The following BAAT variants were observed in gnomAD, a reference collection of about 807,000 sequenced individuals.
BAAT encodes bile acid CoA: amino acid N-acyltransferase (glycine N-choloyltransferase).
In BAAT, 13 loss-of-function variants were observed where a neutral mutation model predicts 18.9. That is an observed-to-expected ratio of 0.69 (90% CI 0.45 to 1.10). The LOEUF is 1.10. Among genes scored for constraint, BAAT ranks in the 50% least tolerant of loss-of-function variants. BAAT has a pLI of 0.00. For missense variants in BAAT, 489 were observed against 504.0 expected, an observed-to-expected ratio of 0.97 and a Z score of 0.28; for synonymous variants, 170 against 190.7, an observed-to-expected ratio of 0.89 and a Z score of 0.89.
chr9:101,368,296 C>T lies in BAAT; in HGVS notation c.493G>A (p.Asp165Asn). Residue 165 changes from aspartate (D) to asparagine (N), a missense_variant, in exon 3 of 4, where the codon GAT becomes AAT. Transcript: ENST00000259407. ...AGCCCACCCAAACCACCAAACAAAT[C>T]AATTACCCCTGGGAAGAGACCCTCT... is the stretch of plus-strand genomic sequence containing the variant. ...PGEGLFPGVI[D>N]LFGGLGGLLE... 1 of 1,612,782 alleles carries T rather than the reference C, an allele frequency of 6.2e-7. No individual in the cohort carries two copies. The highest frequency in any genetic ancestry group is 8.5e-7 in the Non-Finnish European group (1 of 1,179,968).
At chr9:101,365,541 T>A (rs1829812022) in intron 3 of BAAT, among the ~76,000 whole-genome samples, 1 of 152,190 alleles carries the variant, frequency 6.6e-6, no homozygotes, top group South Asian at 2.1e-4. Flanking sequence ...TTTTTTACTT[T>A]ATTTTTATTT....
chr9:101,374,262 A>G (rs1438425054), intron 1 of BAAT, among the ~76,000 whole-genome samples: 1 of 152,136 alleles, frequency 6.6e-6, no homozygotes, highest in Non-Finnish European at 1.5e-5. Flanking sequence ...TCATTCACTA[A>G]ATACAAACTG....
intron 2 of BAAT, among the ~76,000 whole-genome samples, chr9:101,369,923 A>G (rs1829901484): frequency 6.6e-6 from 1 of 152,144 alleles, no homozygotes; most frequent in Non-Finnish European, 1.5e-5. Context: ...GAGCGTTCTG[A>G]TAAGTTTTAT....
At chr9:101,384,803 GT>G (rs1445613138) in intron 1 of BAAT, among the ~76,000 whole-genome samples, 51 bp downstream of exon 1, 1 of 152,098 alleles carries the variant, frequency 6.6e-6, no homozygotes, top group African/African-American at 2.4e-5. Context: ...CTGGATTGTG[GT>G]GAAAAATTAC....
chr9:101,363,441 G>A (rs1431355297), intron 3 of BAAT, among the ~76,000 whole-genome samples: 1 of 148,490 alleles, frequency 6.7e-6, no homozygotes, highest in African/African-American at 2.4e-5. Flanking sequence ...GAGGATTCTA[G>A]ATTTGCTTTG....
rs1829866957 is a variant in BAAT at position 101,368,228 on chromosome 9, G to A, written c.561C>T (p.Ala187=). Residue 187 remains alanine (A), a synonymous_variant, in exon 3 of 4, where the codon GCC becomes GCT. Transcript: ENST00000259407. ...RASLLASRGF[A]SLALAYHNYE... ...AGTTATGGTAAGCCAAGGCCAAGGA[G>A]GCGAAGCCACGACTGGCTAGGAGGC... 1 of 1,614,002 alleles carries A rather than the reference G, an allele frequency of 6.2e-7. No individual in the cohort carries two copies. The highest frequency in any genetic ancestry group is 2.2e-5 in the East Asian group (1 of 44,868).
chr9:101,366,484 C>T, intron 3 of BAAT, among the ~76,000 whole-genome samples: 1 of 152,142 alleles, frequency 6.6e-6, no homozygotes, highest in East Asian at 1.9e-4. Flanking sequence ...TTCTCAGAGT[C>T]TGGGGAAAAA....
chr9:101,374,049 G>C (rs1829999939), intron 1 of BAAT, among the ~76,000 whole-genome samples: 1 of 151,990 alleles, frequency 6.6e-6, no homozygotes, highest in African/African-American at 2.4e-5. Flanking sequence ...TAAAGTTTAG[G>C]ACTTTACGCC....
intron 1 of BAAT, among the ~76,000 whole-genome samples, chr9:101,374,062 T>C (rs1041854252): frequency 6.6e-6 from 1 of 152,246 alleles, no homozygotes; most frequent in Non-Finnish European, 1.5e-5. Context: ...TTTACGCCTA[T>C]TAATTTTACT....
Position 101,371,430 on chromosome 9 carries a change from T to C in BAAT, c.-26A>G. 4 of 1,591,184 alleles carry C rather than the reference T, an allele frequency of 2.5e-6. No individual in the cohort carries two copies. Among genetic ancestry groups the C allele is most frequent in the Non-Finnish European group, 3.4e-6 (4 of 1,169,720 alleles). On this transcript the variant is annotated 5_prime_UTR_variant, in exon 2 of 4. Coordinates refer to ENST00000259407, the MANE Select transcript of BAAT (RefSeq NM_001701.4). Reference sequence around the variant, plus strand: ...TTTTTTAGTGTGGCACCTGGGATGATTCTTCAGGAATATCTTCAGCAAAAC... The same window carrying C: ...TTTTTTAGTGTGGCACCTGGGATGACTCTTCAGGAATATCTTCAGCAAAAC...
At chr9:101,372,306 A>C (rs1829965601) in intron 1 of BAAT, among the ~76,000 whole-genome samples, 1 of 152,010 alleles carries the variant, frequency 6.6e-6, no homozygotes, top group African/African-American at 2.4e-5. Flanking sequence ...AAAAAAAAAA[A>C]AACCCAGAAG....
In BAAT at chr9:101,362,967, T is replaced by G. The variant is rs950873671; in HGVS notation, c.718A>C (p.Ile240Leu). The part of the protein sequence containing the change: ...GVVSVCQGVQ[I>L]GLSMAIYLKQ... ...AGGTAAATAGCCATAGATAGTCCAATCTGTACTCCTTGACATACAGAGACT... is the reference window on the plus strand; with the variant it reads ...AGGTAAATAGCCATAGATAGTCCAAGCTGTACTCCTTGACATACAGAGACT... Residue 240 changes from isoleucine to leucine, a missense_variant, in exon 4 of 4, where the codon ATT (isoleucine) becomes CTT (leucine). Ile to Leu is a conservative substitution (Grantham distance 5). Transcript: ENST00000259407. 2 of 1,614,008 alleles carry G rather than the reference T, an allele frequency of 1.2e-6. No individual in the cohort carries two copies. Among genetic ancestry groups the G allele is most frequent in the Admixed American group, 1.7e-5 (1 of 59,994 alleles).
intron 1 of BAAT, among the ~76,000 whole-genome samples, chr9:101,377,526 G>A (rs1264903683): frequency 1.3e-5 from 2 of 151,978 alleles, no homozygotes. Flanking sequence ...AGGATTGATA[G>A]GATTATAAAA....
intron 1 of BAAT, among the ~76,000 whole-genome samples, chr9:101,377,442 G>GC (rs1830065508): frequency 1.3e-5 from 2 of 152,294 alleles, no homozygotes; most frequent in South Asian, 4.1e-4. Flanking sequence ...GAACCCAGAG[G>GC]TTTTTTCACA....
intron 1 of BAAT, among the ~76,000 whole-genome samples, chr9:101,381,436 A>G (rs1234381141): frequency 2.0e-5 from 3 of 152,140 alleles, no homozygotes; most frequent in Non-Finnish European, 4.4e-5. Context: ...AGGCAGAAGA[A>G]TTGCTTGAGC....
At chr9:101,363,073 A>G in intron 3 of BAAT, 58 bp from the exon 4 acceptor site, 2 of 1,502,516 alleles carry the variant, frequency 1.3e-6, no homozygotes, top group Non-Finnish European at 1.8e-6. Flanking sequence ...AAAACTCCAC[A>G]ATCTCAAACA....
chr9:101,362,440 G>A lies in BAAT; in HGVS notation c.1245C>T (p.Thr415=). ...ATATCTAGTCTTCTTAGAGTTGACT[G>A]GTCACATCTGGAATGAGGTGCTTCC... ...FLRKHLIPDV[T]SQL is the part of the protein sequence containing the mutation. The change falls in exon 4 of 4, where the codon ACC becomes ACT. Residue 415 remains threonine, a synonymous_variant. Coordinates refer to ENST00000259407, the MANE Select transcript of BAAT (RefSeq NM_001701.4). The A allele has an allele frequency of 1.2e-6, 2 of 1,613,926 alleles. No homozygotes were observed. The highest frequency in any genetic ancestry group is 1.7e-6 in the Non-Finnish European group (2 of 1,179,868).
intron 1 of BAAT, among the ~76,000 whole-genome samples, chr9:101,377,773 A>G (rs932247000): frequency 6.6e-6 from 1 of 152,172 alleles, no homozygotes; most frequent in Non-Finnish European, 1.5e-5. Flanking sequence ...GGCAAGAGAA[A>G]GAAATAAGGG....
chr9:101,379,744 C>T (rs979570148), intron 1 of BAAT, among the ~76,000 whole-genome samples: 1 of 152,212 alleles, frequency 6.6e-6, no homozygotes, highest in Non-Finnish European at 1.5e-5. Context: ...TCTCTAAAGA[C>T]AAACCCGGTT....
Sources: allele counts gnomAD v4.1 joint callset (sites outside exome capture counted in the v4.1 genomes callset), GRCh38; gene constraint gnomAD v4.1.1; transcripts MANE v1.5; gene names NCBI Gene and HGNC (gene_info 2026-07-23, HGNC 2026-07-21).